SLC24A2: variants seen among roughly 807,000 people sequenced by gnomAD.
SLC24A2 encodes the protein solute carrier family 24 member 2, also known as sodium/potassium/calcium exchanger 2.
A neutral mutation model predicts 62.0 loss-of-function variants in SLC24A2; 36 were observed. That is an observed-to-expected ratio of 0.58 (90% CI 0.44 to 0.77). SLC24A2 has a LOEUF of 0.77. SLC24A2 is among the 30% of genes least tolerant of loss of function. SLC24A2 has a pLI of 0.00. For missense variants in SLC24A2, 846 were observed against 817.9 expected (o/e 1.03, Z -0.42); for synonymous variants, 358 against 294.0 (o/e 1.22, Z -2.23).
the SLC24A2 span, among the ~76,000 whole-genome samples, chr9:20,137,559 A>T: frequency 6.6e-6 from 1 of 152,240 alleles, no homozygotes; most frequent in Non-Finnish European, 1.5e-5. Context: ...GACACTGTGA[A>T]CTAGATATGA....
the SLC24A2 span, among the ~76,000 whole-genome samples, chr9:20,163,485 T>A: frequency 5.3e-5 from 8 of 151,884 alleles, no homozygotes; most frequent in Non-Finnish European, 1.0e-4. Context: ...TAAAAGAGGA[T>A]ACAAAGAAAT....
At chr9:20,226,675 T>C in the SLC24A2 span, among the ~76,000 whole-genome samples, 1 of 152,074 alleles carries the variant, frequency 6.6e-6, no homozygotes, top group Non-Finnish European at 1.5e-5. Flanking sequence ...GATGAAGACC[T>C]GAAACAATAC....
the SLC24A2 span, among the ~76,000 whole-genome samples, chr9:19,937,663 G>A: frequency 7.2e-5 from 11 of 152,086 alleles, no homozygotes; most frequent in Non-Finnish European, 1.3e-4. Context: ...ATATATCTAT[G>A]TATCCTAATA....
At chr9:19,639,058 C>T (rs1452388744) in intron 2 of SLC24A2, among the ~76,000 whole-genome samples, 1 of 152,206 alleles carries the variant, frequency 6.6e-6, no homozygotes, top group African/African-American at 2.4e-5. Context: ...TAATCTGCTT[C>T]AATTTCTCCA....
At chr9:19,989,799 G>GTGCA in the SLC24A2 span, among the ~76,000 whole-genome samples, 1 of 152,194 alleles carries the variant, frequency 6.6e-6, no homozygotes, top group Non-Finnish European at 1.5e-5. Flanking sequence ...GTACAGAAAA[G>GTGCA]TGCATGGGCT....
intron 5 of SLC24A2, among the ~76,000 whole-genome samples, chr9:19,577,578 G>A (rs1480889173): frequency 1.3e-5 from 2 of 152,142 alleles, no homozygotes; most frequent in African/African-American, 2.4e-5. Context: ...AACGAGTAAG[G>A]AACATGCATC....
At chr9:20,036,827 CAT>C in the SLC24A2 span, among the ~76,000 whole-genome samples, 1 of 151,812 alleles carries the variant, frequency 6.6e-6, no homozygotes, top group Non-Finnish European at 1.5e-5. Context: ...TATGCACACA[CAT>C]ATATATGTGT....
the SLC24A2 span, among the ~76,000 whole-genome samples, chr9:20,138,798 T>A: frequency 0.055 from 8,329 of 152,296 alleles, 680 homozygotes; most frequent in East Asian, 0.4. Flanking sequence ...GGAGGTGACA[T>A]GTCTGTGTCG....
the SLC24A2 span, among the ~76,000 whole-genome samples, chr9:19,919,759 G>A: frequency 5.9e-5 from 9 of 152,134 alleles, no homozygotes; most frequent in Admixed American, 5.2e-4. Context: ...ATGGCAGCAG[G>A]GAGAAGTGCA....
the SLC24A2 span, among the ~76,000 whole-genome samples, chr9:19,980,069 G>T: frequency 6.6e-6 from 1 of 152,196 alleles, no homozygotes; most frequent in Non-Finnish European, 1.5e-5. Flanking sequence ...ACGAAGAAAT[G>T]GCTAACTTAC....
chr9:19,800,213 C>T, the SLC24A2 span, among the ~76,000 whole-genome samples: 2 of 152,100 alleles, frequency 1.3e-5, no homozygotes, highest in Non-Finnish European at 2.9e-5. Context: ...CATTTTTCAA[C>T]CCACTACTTG....
intron 2 of SLC24A2, among the ~76,000 whole-genome samples, chr9:19,742,750 A>C (rs1821716997): frequency 2.0e-5 from 3 of 152,316 alleles, no homozygotes; most frequent in Non-Finnish European, 4.4e-5. Context: ...CCTGTGAAAG[A>C]AATCAATGAA....
chr9:20,101,531 G>C, the SLC24A2 span, among the ~76,000 whole-genome samples: 1 of 152,144 alleles, frequency 6.6e-6, no homozygotes, highest in Non-Finnish European at 1.5e-5. Context: ...AGAATAGTAT[G>C]AGAGAACTTT....
At chr9:19,887,569 G>T in the SLC24A2 span, among the ~76,000 whole-genome samples, 11 of 152,294 alleles carry the variant, frequency 7.2e-5, no homozygotes, top group African/African-American at 2.6e-4. Flanking sequence ...GGGTATGGAT[G>T]CAGTGAAAAG....
chr9:19,921,540 T>A, the SLC24A2 span, among the ~76,000 whole-genome samples: 29 of 121,058 alleles, frequency 2.4e-4, no homozygotes, highest in East Asian at 5.2e-4. Context: ...AAAAAAAAAA[T>A]TTAGAACTTA....
chr9:20,060,621 C>A, the SLC24A2 span, among the ~76,000 whole-genome samples: 6 of 152,080 alleles, frequency 3.9e-5, no homozygotes, highest in African/African-American at 1.4e-4. Context: ...AATCTCTCAA[C>A]AAACCAGGAA....
chr9:20,147,842 CAGTT>C, the SLC24A2 span, among the ~76,000 whole-genome samples: 1 of 152,030 alleles, frequency 6.6e-6, no homozygotes, highest in Non-Finnish European at 1.5e-5. Context: ...TCATCCAAGT[CAGTT>C]AGTCTTTTTG....
intron 4 of SLC24A2, among the ~76,000 whole-genome samples, chr9:19,611,130 G>A (rs1045808741): frequency 8.5e-5 from 13 of 152,170 alleles, no homozygotes; most frequent in African/African-American, 3.1e-4. Context: ...TGTGAAGGCT[G>A]ACTTGAAGGA....
At chr9:20,264,777 G>A in the SLC24A2 span, among the ~76,000 whole-genome samples, 1 of 152,154 alleles carries the variant, frequency 6.6e-6, no homozygotes, top group African/African-American at 2.4e-5. Context: ...AGAAAACAGA[G>A]GCCTAAAGGA....
Sources: allele counts gnomAD v4.1 joint callset (sites outside exome capture counted in the v4.1 genomes callset), GRCh38; gene constraint gnomAD v4.1.1; transcripts MANE v1.5; gene names NCBI Gene and HGNC (gene_info 2026-07-23, HGNC 2026-07-21).